The following CFAP46 variants were observed in gnomAD, a reference collection of about 807,000 sequenced individuals.
CFAP46 encodes cilia and flagella associated protein 46, also known as cilia- and flagella-associated protein 46.
In CFAP46, 245 loss-of-function variants were observed where a neutral mutation model predicts 325.7. The observed-to-expected ratio is 0.75, with a 90% confidence interval of 0.68 to 0.84. The LOEUF (loss-of-function observed/expected upper bound fraction) is 0.84. CFAP46 is among the 40% of genes least tolerant of loss of function. The pLI, the probability that CFAP46 is intolerant of heterozygous loss-of-function variation, is 0.00. For synonymous variants in CFAP46, 1,523 were observed against 1,495.9 expected, an observed-to-expected ratio of 1.02 and a Z score of -0.42; for missense variants, 3,346 against 3,543.0, an observed-to-expected ratio of 0.94 and a Z score of 1.41.
intron 19 of CFAP46, among the ~76,000 whole-genome samples, chr10:132,912,187 C>T (rs1475406970): frequency 1.5e-5 from 2 of 132,640 alleles, no homozygotes; most frequent in East Asian, 2.2e-4. Flanking sequence ...TCTCTCCTGT[C>T]CTCTTTCCTC....
chr10:132,942,485 G>C lies in CFAP46; in HGVS notation c.-1C>G. On this transcript the variant is annotated 5_prime_UTR_variant, in exon 1 of 58. Transcript: ENST00000368586. ...GCTCCTGCGTGATGACCAGGTCCAT[G>C]GCGCCGGCGCCCTGCTCGTCCGCTC... 1 of 1,282,348 alleles carries C rather than the reference G, an allele frequency of 7.8e-7. No homozygotes were observed. The highest frequency in any genetic ancestry group is 1.5e-5 in the African/African-American group (1 of 64,766). 79.4% of individuals were successfully genotyped at this position (1,282,348 alleles called of 1,614,324 possible).
At chr10:132,864,454 A>C (rs1273628763) in intron 35 of CFAP46, among the ~76,000 whole-genome samples, 2 of 79,710 alleles carry the variant, frequency 2.5e-5, no homozygotes, top group African/African-American at 4.8e-5. Context: ...ACCTGCACAC[A>C]CCTGTCCCCC....
In CFAP46 at chr10:132,810,460, C is replaced by T; in HGVS notation, c.7613G>A (p.Arg2538Lys). ...ATCTTCTGAAGGAGACGCACTGTTTCTCCAATTGGCTTCCCAACGGCCAAC... is the reference window on the plus strand; with the variant it reads ...ATCTTCTGAAGGAGACGCACTGTTTTTCCAATTGGCTTCCCAACGGCCAAC... ...RSVGRWEANW[R>K]NSASPSEDEW... Residue 2538 changes from arginine (R) to lysine (K), a missense_variant, in exon 57 of 58, where the codon AGA (arginine) becomes AAA (lysine). Arg to Lys is a conservative substitution (Grantham distance 26). Transcript: ENST00000368586. The T allele has an allele frequency of 6.2e-7, 1 of 1,613,688 alleles. No individual in the cohort carries two copies. Among genetic ancestry groups the T allele is most frequent in the Non-Finnish European group, 8.5e-7 (1 of 1,179,974 alleles).
chr10:132,879,129 C>T (rs370296116), intron 29 of CFAP46, among the ~76,000 whole-genome samples: 13 of 152,242 alleles, frequency 8.5e-5, no homozygotes, highest in South Asian at 2.1e-4. Context: ...CAGGGAGGAC[C>T]GGCTGATCTG....
intron 24 of CFAP46, among the ~76,000 whole-genome samples, chr10:132,894,914 T>C (rs1216298937): frequency 6.6e-6 from 1 of 152,186 alleles, no homozygotes; most frequent in Non-Finnish European, 1.5e-5. Flanking sequence ...TTATTGACTC[T>C]TCAAAAATTT....
Position 132,898,865 on chromosome 10 carries a change from G to C in CFAP46, c.3219+94C>G, listed in dbSNP as rs914007430. 2.7e-6 allele frequency: 4 copies of C among 1,461,864 alleles called. No homozygotes were observed. The Admixed American group carries it at 7.9e-5, about 29-fold the overall frequency. 90.6% of individuals were successfully genotyped at this position (1,461,864 alleles called of 1,614,324 possible). ...GGTGCACCCTCTGGGAGGCCTGTGGGGTCTGTCTTTCTTTGGGAGTCTCTC... is the reference window on the plus strand; with the variant it reads ...GGTGCACCCTCTGGGAGGCCTGTGGCGTCTGTCTTTCTTTGGGAGTCTCTC... On this transcript the variant is annotated intron_variant, in intron 24 of 57. Transcript: ENST00000368586.
chr10:132,809,010 G>A (rs551756038), intron 57 of CFAP46, 106 bp from the exon 58 acceptor site: 1 of 1,135,806 alleles, frequency 8.8e-7, no homozygotes. Context: ...TCCAACTGAG[G>A]GCGCTCTGGG....
intron 19 of CFAP46, among the ~76,000 whole-genome samples, chr10:132,911,197 G>A (rs531666020): frequency 1.8e-3 from 271 of 152,268 alleles, no homozygotes; most frequent in African/African-American, 6.2e-3. Context: ...GTCCCTTCTC[G>A]GAAGAACGAC....
intron 19 of CFAP46, 111 bp downstream of exon 19, chr10:132,912,544 T>TCTCTCTCTTCACCTCTCTCTCTCTTCAC: frequency 1.0e-6 from 1 of 966,670 alleles, no homozygotes; most frequent in Non-Finnish European, 1.5e-6. Context: ...TCCTCTCCTC[T>TCTCTCTCTTCACCTCTCTCTCTCTTCAC]CTCTCTCTCT....
chr10:132,835,174 G>T (rs912728124), intron 47 of CFAP46, 130 bp downstream of exon 47: 34 of 1,280,052 alleles, frequency 2.7e-5, no homozygotes, highest in Middle Eastern at 5.5e-4. Flanking sequence ...CCCGGGTGTT[G>T]GGATGGCCCA....
chr10:132,906,244 C>A (rs1849454527), intron 22 of CFAP46, among the ~76,000 whole-genome samples: 1 of 152,234 alleles, frequency 6.6e-6, no homozygotes, highest in Non-Finnish European at 1.5e-5. Flanking sequence ...AGGTGCACAG[C>A]TCCTGGCAGG....
chr10:132,903,963 C>T (rs888852858), intron 22 of CFAP46, among the ~76,000 whole-genome samples: 2 of 152,166 alleles, frequency 1.3e-5, no homozygotes, highest in Non-Finnish European at 2.9e-5. Context: ...ACTGATTTGG[C>T]AACCACACAG....
At chr10:132,936,228 C>T (rs1466357556) in intron 7 of CFAP46, among the ~76,000 whole-genome samples, 1 of 121,938 alleles carries the variant, frequency 8.2e-6, no homozygotes, top group Non-Finnish European at 1.7e-5. Context: ...CCCCTCGGCA[C>T]CCAAACCCAC....
At position 132,939,509 on chromosome 10, in the gene CFAP46, G is replaced by A. The variant is rs1040768621; in HGVS notation, c.372-756C>T. 6.6e-6 allele frequency among the ~76,000 whole-genome samples: 1 copy of A among 152,194 alleles called. No homozygotes were observed. The highest frequency in any genetic ancestry group is 1.5e-5 in the Non-Finnish European group (1 of 68,026). On this transcript the variant is annotated intron_variant, in intron 4 of 57. Coordinates refer to ENST00000368586, the MANE Select transcript of CFAP46 (RefSeq NM_001200049.3). This position sits in a 1 kb window ranked among gnomAD's most constrained non-coding sequence, Gnocchi z 4.6. ...TAGGGCCTGTGTGCCTTGTGGTCCT[G>A]GGCCGGCCACCAGGTGGACCAGCAC...
chr10:132,885,501 G>A (rs1196380957), intron 26 of CFAP46, among the ~76,000 whole-genome samples: 1 of 152,048 alleles, frequency 6.6e-6, no homozygotes, highest in Admixed American at 6.5e-5. Flanking sequence ...CTCTCCCTGT[G>A]TTGAATTCTC....
chr10:132,814,719 C>T lies in CFAP46; in HGVS notation c.7216G>A (p.Asp2406Asn). 1 of 1,612,826 alleles carries T rather than the reference C, an allele frequency of 6.2e-7. No homozygotes were observed. Among genetic ancestry groups the T allele is most frequent in the Non-Finnish European group, 8.5e-7 (1 of 1,179,450 alleles). ...TTGTCTGAGTCGACTATGATGCAGT[C>T]AGGGGGGATGGTCCGGGGGATGCTG... is the stretch of plus-strand genomic sequence containing the variant. The part of the protein sequence containing the change: ...KGSIPRTIPP[D>N]CIIVDSDNFK... The change falls in exon 52 of 58, where the codon GAC (aspartate) becomes AAC (asparagine). Residue 2406 changes from aspartate (D) to asparagine (N), a missense_variant. Asp to Asn is a conservative substitution (Grantham distance 23). Transcript: ENST00000368586.
At chr10:132,822,372 G>A (rs931520765) in intron 50 of CFAP46, among the ~76,000 whole-genome samples, 1 of 146,600 alleles carries the variant, frequency 6.8e-6, no homozygotes, top group Non-Finnish European at 1.5e-5. Flanking sequence ...AGTGATGTGT[G>A]CTGTGTGTGT....
At chr10:132,880,831 G>C (rs1414853532) in intron 28 of CFAP46, 30 bp downstream of exon 28, 1 of 1,537,670 alleles carries the variant, frequency 6.5e-7, no homozygotes, top group East Asian at 2.5e-5. Flanking sequence ...GCGGCGTGGG[G>C]TCGGCACCCT....
intron 32 of CFAP46, among the ~76,000 whole-genome samples, chr10:132,871,024 T>C (rs1190476982): frequency 1.3e-5 from 2 of 152,198 alleles, no homozygotes; most frequent in Non-Finnish European, 2.9e-5. Context: ...TTGAAGCCAA[T>C]CCTCATTCAC....
Sources: allele counts gnomAD v4.1 joint callset (sites outside exome capture counted in the v4.1 genomes callset), GRCh38; gene constraint gnomAD v4.1.1; non-coding constraint Gnocchi (gnomAD v3.1); transcripts MANE v1.5; gene names NCBI Gene and HGNC (gene_info 2026-07-23, HGNC 2026-07-21).